Variants in ELMO1 observed in about 807,000 individuals in gnomAD.
The protein encoded by ELMO1 is engulfment and cell motility protein 1.
In ELMO1, 26 loss-of-function variants were observed where a neutral mutation model predicts 98.9. That is an observed-to-expected ratio of 0.26 (90% CI 0.19 to 0.36). The LOEUF is 0.36. Ranked by LOEUF, ELMO1 falls within the 10% of genes least tolerant of loss-of-function variation. The pLI, the probability that ELMO1 is intolerant of heterozygous loss-of-function variation, is 1.00. For synonymous variants in ELMO1, 346 were observed against 346.0 expected (o/e 1.00, Z 0.00); for missense variants, 627 against 935.2 (o/e 0.67, Z 4.30).
chr7:37,239,385 T>G (rs1794643952), intron 7 of ELMO1, among the ~76,000 whole-genome samples: 1 of 152,210 alleles, frequency 6.6e-6, no homozygotes, highest in African/African-American at 2.4e-5. Flanking sequence ...CAGGCTGGTC[T>G]TGAATTCCTG....
intron 2 of ELMO1, among the ~76,000 whole-genome samples, chr7:37,341,297 G>A (rs1800706021): frequency 6.6e-6 from 1 of 152,156 alleles, no homozygotes; most frequent in Admixed American, 6.5e-5. Context: ...CTTAGGCTGT[G>A]GCCAAACCTA....
chr7:37,167,264 C>G (rs943759338), intron 13 of ELMO1, among the ~76,000 whole-genome samples: 13 of 152,072 alleles, frequency 8.5e-5, no homozygotes, highest in African/African-American at 3.1e-4. Context: ...CTGAATACAG[C>G]ACACTGATGG....
chr7:37,347,372 C>CT (rs1190545482), intron 1 of ELMO1, among the ~76,000 whole-genome samples: 1 of 152,172 alleles, frequency 6.6e-6, no homozygotes, highest in Non-Finnish European at 1.5e-5. Flanking sequence ...GGCAGCATAC[C>CT]TGGCCTCCAC....
At chr7:37,128,273 A>T (rs1188000749) in intron 14 of ELMO1, among the ~76,000 whole-genome samples, 6 of 152,194 alleles carry the variant, frequency 3.9e-5, no homozygotes, top group Admixed American at 3.9e-4. Context: ...ACTCTGTACC[A>T]TTATCTTGTC....
At chr7:37,108,348 A>C (rs886865129) in intron 14 of ELMO1, among the ~76,000 whole-genome samples, 1 of 151,868 alleles carries the variant, frequency 6.6e-6, no homozygotes, top group African/African-American at 2.4e-5. Context: ...TGCCCCTCCC[A>C]CACCTGTCTC....
intron 2 of ELMO1, among the ~76,000 whole-genome samples, chr7:37,336,898 G>A (rs2131229896): frequency 6.6e-6 from 1 of 152,306 alleles, no homozygotes; most frequent in African/African-American, 2.4e-5. Context: ...ACTAGGTCAA[G>A]GGGAGGATTT....
intron 13 of ELMO1, among the ~76,000 whole-genome samples, chr7:37,190,555 T>C (rs1488933109): frequency 1.3e-5 from 2 of 152,206 alleles, no homozygotes; most frequent in Non-Finnish European, 2.9e-5. Flanking sequence ...TAGAGTGCCA[T>C]AGCGTGATCT....
chr7:37,159,467 G>C (rs1047460437), intron 13 of ELMO1, among the ~76,000 whole-genome samples: 4 of 152,128 alleles, frequency 2.6e-5, no homozygotes, highest in African/African-American at 9.7e-5. Flanking sequence ...TTGGGAGGCC[G>C]AGGTGGGTGG....
chr7:37,182,354 T>C (rs551575352), intron 13 of ELMO1, among the ~76,000 whole-genome samples: 1 of 152,148 alleles, frequency 6.6e-6, no homozygotes, highest in Admixed American at 6.5e-5. Context: ...TTAAATGTGC[T>C]CTTGAGGCAG....
intron 13 of ELMO1, among the ~76,000 whole-genome samples, chr7:37,171,477 CTTTCTATTTTTTTTTTT>C (rs1490976886): frequency 2.2e-5 from 2 of 92,540 alleles, no homozygotes; most frequent in Non-Finnish European, 2.1e-5. Flanking sequence ...GTAACCAGGC[CTTTCTATTTTTTTTTTT>C]TTTTTTTTTT....
intron 16 of ELMO1, among the ~76,000 whole-genome samples, chr7:36,907,323 C>A (rs185523255): frequency 6.6e-6 from 1 of 152,308 alleles, no homozygotes; most frequent in Non-Finnish European, 1.5e-5. Context: ...AAAATTGGGA[C>A]ACCCTCATAA....
rs1310687296 is a variant in ELMO1, at chr7:37,277,698, A to C, written c.193-5816T>G. Among the ~76,000 whole-genome samples the C allele has an allele frequency of 5.3e-5, 8 of 152,192 alleles. No individual in the cohort carries two copies. In the East Asian group the frequency reaches 1.5e-3, roughly 29 times the overall value. On this transcript the variant is annotated intron_variant, in intron 4 of 21. Coordinates refer to ENST00000310758, the MANE Select transcript of ELMO1 (RefSeq NM_014800.11). ...GGCTCAGGCTTTGGGAACAAGGGTC[A>C]TGTGGCCCGCTTCATGAGAAAGGAA...
At chr7:37,435,056 C>G (rs540960640) in intron 1 of ELMO1, 8 of 152,308 alleles carry the variant, frequency 5.3e-5, no homozygotes, top group African/African-American at 1.4e-4. Context: ...ACCTAGTACA[C>G]CACATGGTAC....
intron 4 of ELMO1, among the ~76,000 whole-genome samples, chr7:37,280,470 A>C (rs1279351397): frequency 6.6e-6 from 1 of 152,206 alleles, no homozygotes; most frequent in Non-Finnish European, 1.5e-5. Flanking sequence ...AAGGATTGAT[A>C]TCCAGAATCT....
intron 14 of ELMO1, among the ~76,000 whole-genome samples, chr7:37,132,024 A>G (rs1191630343): frequency 6.6e-6 from 1 of 152,184 alleles, no homozygotes; most frequent in Non-Finnish European, 1.5e-5. Flanking sequence ...CATGGTGACA[A>G]CTGAAGAAAC....
chr7:37,155,283 G>A (rs1244417429), intron 13 of ELMO1, among the ~76,000 whole-genome samples: 1 of 152,082 alleles, frequency 6.6e-6, no homozygotes. Flanking sequence ...GCATCATAAT[G>A]ACAGTATCAA....
In ELMO1 at chr7:36,915,153, G is replaced by C. The variant is rs145822521; in HGVS notation, c.1438-20136C>G. Among the ~76,000 whole-genome samples the C allele has an allele frequency of 3.0e-3, 455 of 152,120 alleles. 2 individuals carry two copies. Among genetic ancestry groups the C allele is most frequent in the African/African-American group, 0.01 (425 of 41,506 alleles). Reference sequence around the variant, plus strand: ...TGTTGCCCAGGCTGGTCTTGAACTCGTGGCTTCAAGTGAGCCAATCTTTCT... The same window carrying C: ...TGTTGCCCAGGCTGGTCTTGAACTCCTGGCTTCAAGTGAGCCAATCTTTCT... On this transcript the variant is annotated intron_variant, in intron 16 of 21. Transcript: ENST00000310758.
At position 36,916,552 on chromosome 7, in the gene ELMO1, A is replaced by G. The variant is rs539432826; in HGVS notation, c.1438-21535T>C. On this transcript the variant is annotated intron_variant, in intron 16 of 21. Transcript: ENST00000310758. ...TTATATTAAGTAGTCTAGTTTTTTA[A>G]GACAGTGCTTCCAAGCTCCCCCATT... 7.9e-5 allele frequency among the ~76,000 whole-genome samples: 12 copies of G among 152,384 alleles called. No homozygotes were observed. The South Asian group carries it at 1.0e-3, about 13-fold the overall frequency.
At chr7:37,167,661 T>C (rs1789815810) in intron 13 of ELMO1, among the ~76,000 whole-genome samples, 1 of 152,226 alleles carries the variant, frequency 6.6e-6, no homozygotes, top group Non-Finnish European at 1.5e-5. Flanking sequence ...ATGTTGAATA[T>C]TGGCTCCCAC....
Sources: gnomAD v4.1 joint callset for allele counts (sites outside exome capture counted in the v4.1 genomes callset) on GRCh38, gnomAD v4.1.1 for gene constraint, MANE v1.5 for transcripts, NCBI Gene and HGNC (gene_info 2026-07-23, HGNC 2026-07-21) for gene names.